MARCHF1: variants seen among roughly 807,000 people sequenced by gnomAD.
MARCHF1 encodes the protein membrane associated ring-CH-type finger 1, also known as E3 ubiquitin-protein ligase MARCHF1.
A neutral mutation model predicts 54.2 loss-of-function variants in MARCHF1; 40 were observed. That is an observed-to-expected ratio of 0.74 (90% CI 0.57 to 0.96). MARCHF1 has a LOEUF of 0.96. MARCHF1 is among the 40% of genes least tolerant of loss of function. The pLI is 0.00. For missense variants in MARCHF1, 586 were observed against 656.5 expected, an observed-to-expected ratio of 0.89 and a Z score of 1.17; for synonymous variants, 236 against 236.3, an observed-to-expected ratio of 1.00 and a Z score of 0.01.
chr4:163,708,163 G>T (rs530480082), intron 4 of MARCHF1, among the ~76,000 whole-genome samples: 17 of 151,262 alleles, frequency 1.1e-4, no homozygotes, highest in African/African-American at 4.1e-4. Flanking sequence ...CAGGCTCATT[G>T]TACTCTTTTG....
At chr4:164,056,714 C>T (rs937574885) in intron 2 of MARCHF1, among the ~76,000 whole-genome samples, 6 of 152,152 alleles carry the variant, frequency 3.9e-5, no homozygotes, top group African/African-American at 7.2e-5. Context: ...AACTCACTTG[C>T]GTGGCATTCA....
chr4:164,255,410 T>C (rs1453201111), intron 1 of MARCHF1, among the ~76,000 whole-genome samples: 2 of 136,744 alleles, frequency 1.5e-5, no homozygotes, highest in South Asian at 2.3e-4. Context: ...AAAAAATCAA[T>C]GAACAAACAA....
chr4:163,971,419 G>A (rs1752544916), intron 3 of MARCHF1, among the ~76,000 whole-genome samples: 1 of 152,180 alleles, frequency 6.6e-6, no homozygotes, highest in South Asian at 2.1e-4. Context: ...GAAAACTAAG[G>A]AAACAGTTGT....
intron 4 of MARCHF1, among the ~76,000 whole-genome samples, chr4:163,738,902 T>G (rs915881880): frequency 6.6e-6 from 1 of 152,196 alleles, no homozygotes; most frequent in African/African-American, 2.4e-5. Flanking sequence ...CCTTCCTACA[T>G]TGTTTTTAAA....
chr4:164,285,819 TAAAAAAAAAAA>T (rs78385104), intron 1 of MARCHF1, among the ~76,000 whole-genome samples: 9 of 95,852 alleles, frequency 9.4e-5, no homozygotes, highest in African/African-American at 3.4e-4. Context: ...TGTAGTTCTT[TAAAAAAAAAAA>T]AAAAAAAAAA....
chr4:164,342,224 T>C (rs1236973632), intron 1 of MARCHF1, among the ~76,000 whole-genome samples: 6 of 152,116 alleles, frequency 3.9e-5, no homozygotes, highest in Non-Finnish European at 1.5e-5. Flanking sequence ...TCACTAATCA[T>C]CAAGGAAATG....
At chr4:163,772,791 A>T (rs956965309) in intron 4 of MARCHF1, among the ~76,000 whole-genome samples, 5 of 152,246 alleles carry the variant, frequency 3.3e-5, no homozygotes, top group African/African-American at 1.2e-4. Flanking sequence ...AGAAAGCAAA[A>T]CATTCACATC....
At chr4:164,363,775 G>GTGTGTGTGTGTT (rs1730795933) in intron 1 of MARCHF1, among the ~76,000 whole-genome samples, 1 of 151,944 alleles carries the variant, frequency 6.6e-6, no homozygotes, top group Admixed American at 6.6e-5. Flanking sequence ...CCGTGTGTGT[G>GTGTGTGTGTGTT]TGTGTGTGTC....
At chr4:164,048,858 C>T (rs982314629) in intron 2 of MARCHF1, among the ~76,000 whole-genome samples, 1 of 151,918 alleles carries the variant, frequency 6.6e-6, no homozygotes, top group Non-Finnish European at 1.5e-5. Flanking sequence ...ATTTTGTATA[C>T]CTCTATTTGT....
At chr4:164,162,472 C>CAGTAAATGACCAATCAGCCTGA (rs1332664979) in intron 1 of MARCHF1, among the ~76,000 whole-genome samples, 1 of 152,088 alleles carries the variant, frequency 6.6e-6, no homozygotes, top group African/African-American at 2.4e-5. Context: ...CCGTGACCTT[C>CAGTAAATGACCAATCAGCCTGA]AGTAAATGAC....
chr4:164,090,130 A>G (rs1755269724), intron 2 of MARCHF1, among the ~76,000 whole-genome samples: 1 of 152,108 alleles, frequency 6.6e-6, no homozygotes, highest in African/African-American at 2.4e-5. Context: ...AAATGTGAAG[A>G]AAGTACAAAA....
chr4:164,269,082 T>C (rs1260776942), intron 1 of MARCHF1, among the ~76,000 whole-genome samples: 2 of 152,172 alleles, frequency 1.3e-5, no homozygotes, highest in East Asian at 3.8e-4. Flanking sequence ...GTAACTTTAA[T>C]GTGCAGATTA....
At chr4:163,991,441 A>G (rs1342335948) in intron 2 of MARCHF1, among the ~76,000 whole-genome samples, 3 of 152,158 alleles carry the variant, frequency 2.0e-5, no homozygotes, top group African/African-American at 7.2e-5. Flanking sequence ...CAGCTTCCAT[A>G]GTGCTCTGCC....
intron 4 of MARCHF1, among the ~76,000 whole-genome samples, chr4:163,819,489 TA>T (rs746392183): frequency 6.6e-6 from 1 of 152,032 alleles, no homozygotes; most frequent in Non-Finnish European, 1.5e-5. Context: ...TTCCCAAACT[TA>T]AAAAAGCCCT....
intron 4 of MARCHF1, among the ~76,000 whole-genome samples, chr4:163,833,010 T>A (rs1749075065): frequency 2.0e-5 from 3 of 152,114 alleles, no homozygotes; most frequent in Admixed American, 6.5e-5. Context: ...TTTGGGTTGG[T>A]TCCAAGTCTT....
At chr4:164,244,793 AG>A (rs1202840407) in intron 1 of MARCHF1, among the ~76,000 whole-genome samples, 1 of 152,206 alleles carries the variant, frequency 6.6e-6, no homozygotes, top group Non-Finnish European at 1.5e-5. Context: ...CCAATCCCAC[AG>A]AAATACAAAG....
intron 4 of MARCHF1, among the ~76,000 whole-genome samples, chr4:163,768,467 T>A (rs1747056414): frequency 6.6e-6 from 1 of 152,246 alleles, no homozygotes; most frequent in South Asian, 2.1e-4. Context: ...CATGTAGTTT[T>A]ACTCCCATTT....
intron 5 of MARCHF1, among the ~76,000 whole-genome samples, chr4:163,660,402 G>T (rs576664383): frequency 1.3e-5 from 2 of 151,858 alleles, no homozygotes; most frequent in Non-Finnish European, 2.9e-5. Context: ...GGGGCCTGTC[G>T]GTGGGTGGGG....
At chr4:164,075,050 G>T (rs1175522942) in intron 2 of MARCHF1, among the ~76,000 whole-genome samples, 1 of 152,014 alleles carries the variant, frequency 6.6e-6, no homozygotes, top group Non-Finnish European at 1.5e-5. Context: ...TGATAAAATA[G>T]ATCAGTAATT....
Sources: allele counts gnomAD v4.1 joint callset (sites outside exome capture counted in the v4.1 genomes callset), GRCh38; gene constraint gnomAD v4.1.1; transcripts MANE v1.5; gene names NCBI Gene and HGNC (gene_info 2026-07-23, HGNC 2026-07-21).